TJP1: variants seen among roughly 807,000 people sequenced by gnomAD.
TJP1 encodes tight junction protein ZO-1.
Under a neutral mutation model 194.2 loss-of-function variants are expected in TJP1, and 43 were observed. The observed-to-expected ratio is 0.22, with a 90% confidence interval of 0.17 to 0.29. TJP1 has a LOEUF of 0.29. TJP1 is among the 10% of genes least tolerant of loss of function. The pLI, the probability that TJP1 is intolerant of heterozygous loss-of-function variation, is 1.00. For synonymous variants in TJP1, 801 were observed against 779.0 expected (o/e 1.03, Z -0.47); for missense variants, 1,971 against 2,185.7 (o/e 0.90, Z 1.96).
In TJP1 at chr15:29,903,691, G is replaced by A. The variant is rs573668329; in HGVS notation, c.306+52541C>T. Among the ~76,000 whole-genome samples, 302 of 152,258 alleles carry A rather than the reference G, an allele frequency of 2.0e-3. 2 individuals carry two copies. Among genetic ancestry groups the A allele is most frequent in the Non-Finnish European group, 3.0e-3 (202 of 68,010 alleles). ...AATCTCCCGACCTTGTGATCCGCCC[G>A]CCTCGGCCTCCCAAAGTGCTGGGAT... On this transcript the variant is annotated intron_variant, in intron 2 of 28. Coordinates refer to the TJP1 transcript ENST00000356107.
In TJP1 at chr15:29,733,084, G is replaced by A. The variant is rs753701139; in HGVS notation, c.1736+10C>T. The stretch of plus-strand genomic sequence containing the variant: ...GATTCACTCTATGAGAAGTATCCAA[G>A]CATTCATACCTGTTCTTATTAGGGA... On this transcript the variant is annotated intron_variant, in intron 13 of 27. Coordinates refer to ENST00000614355, the MANE Select transcript of TJP1 (RefSeq NM_001330239.4). The A allele has an allele frequency of 6.2e-6, 10 of 1,610,236 alleles. No individual in the cohort carries two copies. In the East Asian group the frequency reaches 2.2e-4, roughly 36 times the overall value.
At chr15:29,749,162 G>A (rs199736154) in intron 8 of TJP1, among the ~76,000 whole-genome samples, 2 of 126,834 alleles carry the variant, frequency 1.6e-5, no homozygotes, top group Non-Finnish European at 3.4e-5. Flanking sequence ...TTTTTTTTTT[G>A]TATTAACTTG....
At chr15:29,892,685 G>T (rs1293426783) in intron 2 of TJP1, among the ~76,000 whole-genome samples, 1 of 152,152 alleles carries the variant, frequency 6.6e-6, no homozygotes, top group East Asian at 1.9e-4. Context: ...AACAAAGTCG[G>T]GATAGCAGCA....
intron 2 of TJP1, among the ~76,000 whole-genome samples, chr15:29,861,492 C>T (rs548211494): frequency 1.1e-4 from 16 of 152,248 alleles, no homozygotes; most frequent in African/African-American, 3.9e-4. Context: ...TAAATAACTC[C>T]CACAGGTTTA....
intron 2 of TJP1, among the ~76,000 whole-genome samples, chr15:29,893,361 T>A (rs1421286249): frequency 6.6e-6 from 1 of 152,206 alleles, no homozygotes; most frequent in African/African-American, 2.4e-5. Flanking sequence ...AGAATACTCA[T>A]AAACTTAGCT....
chr15:29,810,284 G>A (rs184309665), intron 1 of TJP1, among the ~76,000 whole-genome samples: 1 of 152,220 alleles, frequency 6.6e-6, no homozygotes, highest in Admixed American at 6.5e-5. Context: ...ACAGTAATGT[G>A]GGAATTCATT....
At position 29,785,175 on chromosome 15, in the gene TJP1, CATCAAAGACTTGCCGT is replaced by C. The variant is rs1393513859; in HGVS notation, c.85-11834_85-11819del. 2.2e-4 allele frequency among the ~76,000 whole-genome samples: 34 copies of C among 152,262 alleles called. No homozygotes were observed. The East Asian group carries it at 6.0e-3, about 27-fold the overall frequency. On this transcript the variant is annotated intron_variant, in intron 2 of 27. Transcript: ENST00000614355. ...TAGCTTCTGGGGATGGAAGAAAGAG[CATCAAAGACTTGCCGT>C]ATTTCAAACTTTTGAAACCTTAAGC...
chr15:29,945,660 T>C (rs1440453414), intron 2 of TJP1, among the ~76,000 whole-genome samples: 1 of 151,832 alleles, frequency 6.6e-6, no homozygotes, highest in Non-Finnish European at 1.5e-5. Context: ...AATGAAGGGA[T>C]GAGGACAGGG....
At chr15:29,898,414 G>A (rs60195494) in intron 2 of TJP1, among the ~76,000 whole-genome samples, 50,288 of 151,970 alleles carry the variant, frequency 0.33, 8,847 homozygotes, top group African/African-American at 0.44. Context: ...TATCTGCAGC[G>A]TGAAAATGAA....
At chr15:29,707,228 G>C (rs1014742116) in intron 25 of TJP1, among the ~76,000 whole-genome samples, 1 of 152,226 alleles carries the variant, frequency 6.6e-6, no homozygotes. Flanking sequence ...AGGGGATGTG[G>C]TATCAATGAC....
rs555595998 is a variant in TJP1 at position 29,704,188 on chromosome 15, G to A, written c.5186C>T (p.Ala1729Val). 39 of 1,570,536 alleles carry A rather than the reference G, an allele frequency of 2.5e-5. No individual in the cohort carries two copies. The East Asian group carries it at 8.8e-4, about 35-fold the overall frequency. ...ASMTPDGWSFALKSSDSSSGD... is the reference protein window; with the variant it reads ...ASMTPDGWSFVLKSSDSSSGD... Reference sequence around the variant, plus strand: ...CGACGAGGAGTCGGATGATTTTAGAGCAAAAGACCAACCGTCAGGAGTCAT... The same window carrying A: ...CGACGAGGAGTCGGATGATTTTAGAACAAAAGACCAACCGTCAGGAGTCAT... The change falls in exon 27 of 28, where the codon GCT (alanine) becomes GTT (valine). Residue 1729 changes from alanine to valine, a missense_variant. By Grantham distance (64) the Ala-to-Val change is moderately conservative. Around this residue, in one of 5 missense-constraint regions of TJP1, gnomAD observed 1,108 missense variants for 1,128.5 expected, o/e 0.98. Coordinates refer to ENST00000614355, the MANE Select transcript of TJP1 (RefSeq NM_001330239.4).
intron 1 of TJP1, among the ~76,000 whole-genome samples, chr15:29,814,326 A>C (rs138332639): frequency 3.9e-5 from 6 of 152,358 alleles, no homozygotes; most frequent in African/African-American, 9.6e-5. Flanking sequence ...CACAATTCAC[A>C]AAGTGATCAT....
At position 29,968,622 on chromosome 15, in the gene TJP1, C is replaced by A. The variant is rs558526223; in HGVS notation, c.173+45G>T. The A allele has an allele frequency of 3.5e-4, 346 of 982,812 alleles. 1 individual carries two copies. In the African/African-American group the frequency reaches 5.6e-3, roughly 16 times the overall value. The allele number at this position is 982,812 out of a possible 1,614,324, so 60.9% of individuals were successfully genotyped here. On this transcript the variant is annotated intron_variant, in intron 1 of 28. Transcript: ENST00000356107. ...TCCCACTCCGGCCCCCGCCCCGCTCCGCGCCTAGCCCGGCTGGGGCTCCGC... is the reference window on the plus strand; with the variant it reads ...TCCCACTCCGGCCCCCGCCCCGCTCAGCGCCTAGCCCGGCTGGGGCTCCGC...
intron 2 of TJP1, among the ~76,000 whole-genome samples, chr15:29,857,379 AT>A (rs2051899607): frequency 6.6e-6 from 1 of 151,744 alleles, no homozygotes; most frequent in African/African-American, 2.4e-5. Context: ...GCCAGCACAC[AT>A]TTCTCAGGGC....
intron 2 of TJP1, among the ~76,000 whole-genome samples, chr15:29,910,979 A>G (rs901033715): frequency 3.3e-5 from 5 of 152,236 alleles, no homozygotes; most frequent in African/African-American, 9.6e-5. Flanking sequence ...ACTAGCTGAT[A>G]CTTTTAGCTC....
intron 2 of TJP1, among the ~76,000 whole-genome samples, chr15:29,832,156 T>C (rs191727198): frequency 2.2e-4 from 33 of 152,268 alleles, no homozygotes; most frequent in African/African-American, 7.7e-4. Flanking sequence ...AGAACTGCTT[T>C]AGTTAAAGGG....
intron 22 of TJP1, among the ~76,000 whole-genome samples, chr15:29,717,752 C>T (rs1419136845): frequency 6.6e-6 from 1 of 152,142 alleles, no homozygotes; most frequent in Non-Finnish European, 1.5e-5. Context: ...AATGTCAGAG[C>T]TTAAAAATGT....
At chr15:29,835,994 CT>C (rs1056909056) in intron 2 of TJP1, among the ~76,000 whole-genome samples, 9 of 152,124 alleles carry the variant, frequency 5.9e-5, no homozygotes, top group African/African-American at 2.2e-4. Context: ...CAGTTTTTTT[CT>C]TCTTTAACTT....
rs578161003 is a variant in TJP1, at chr15:29,865,699, T to C, written c.307-64997A>G. 1.3e-3 allele frequency among the ~76,000 whole-genome samples: 193 copies of C among 152,286 alleles called. 1 individual carries two copies. The highest frequency in any genetic ancestry group is 4.3e-3 in the African/African-American group (178 of 41,550). ...CAAGGAGGCCTAGCAAAGATGGACA[T>C]GCACCGAGCAATGTGCGGGATCTGG... On this transcript the variant is annotated intron_variant, in intron 2 of 28. Coordinates refer to the TJP1 transcript ENST00000356107.
Sources: gnomAD v4.1 joint callset for allele counts (sites outside exome capture counted in the v4.1 genomes callset) on GRCh38, gnomAD v4.1.1 for gene constraint, gnomAD v4.1.1 regional missense constraint, MANE v1.5 for transcripts, NCBI Gene and HGNC (gene_info 2026-07-23, HGNC 2026-07-21) for gene names.